SLC7A1: variants seen among roughly 807,000 people sequenced by gnomAD.
SLC7A1 encodes the protein solute carrier family 7 member 1.
A neutral mutation model predicts 53.9 loss-of-function variants in SLC7A1; 10 were observed. That is an observed-to-expected ratio of 0.19 (90% CI 0.11 to 0.31). The LOEUF (loss-of-function observed/expected upper bound fraction) is 0.31. Among genes scored for constraint, SLC7A1 ranks in the 10% least tolerant of loss-of-function variants. The pLI, the probability that SLC7A1 is intolerant of heterozygous loss-of-function variation, is 1.00. For missense variants in SLC7A1, 525 were observed against 827.2 expected, an observed-to-expected ratio of 0.63 and a Z score of 4.48; for synonymous variants, 342 against 338.7, an observed-to-expected ratio of 1.01 and a Z score of -0.11.
At chr13:29,549,667 T>C (rs1219131590) in intron 2 of SLC7A1, among the ~76,000 whole-genome samples, 1 of 152,214 alleles carries the variant, frequency 6.6e-6, no homozygotes, top group Non-Finnish European at 1.5e-5. Context: ...TTACATCTAT[T>C]GTTTGTTTGT....
intron 2 of SLC7A1, among the ~76,000 whole-genome samples, chr13:29,552,522 G>T (rs1466095725): frequency 1.3e-5 from 2 of 152,160 alleles, no homozygotes; most frequent in Non-Finnish European, 2.9e-5. Context: ...TGATGGCCAT[G>T]ACGCCCACAT....
intron 1 of SLC7A1, among the ~76,000 whole-genome samples, chr13:29,589,030 A>T (rs1871999802): frequency 6.6e-6 from 1 of 152,060 alleles, no homozygotes; most frequent in South Asian, 2.1e-4. Flanking sequence ...ACTGTGGAAA[A>T]GCTGCGGGCC....
At chr13:29,571,042 TA>T (rs1871169479) in intron 1 of SLC7A1, among the ~76,000 whole-genome samples, 1 of 152,212 alleles carries the variant, frequency 6.6e-6, no homozygotes, top group South Asian at 2.1e-4. Flanking sequence ...GACATCTCAT[TA>T]GTAGCCAACT....
In SLC7A1 at chr13:29,514,296, C is replaced by A. The variant is rs977237132; in HGVS notation, c.*184G>T. 1.7e-6 allele frequency: 1 copy of A among 594,210 alleles called. No individual in the cohort carries two copies. Among genetic ancestry groups the A allele is most frequent in the Non-Finnish European group, 3.0e-6 (1 of 330,882 alleles). 36.8% of individuals were successfully genotyped at this position (594,210 alleles called of 1,614,324 possible). A position where few individuals can be genotyped will look rare whatever the true frequency, so the allele number is the denominator to read the frequency against. ...CAGCTGTCTGGAGGTGACCAGGGCC[C>A]GGAGAACCGGCTGCAGAGCCGAGGG... is the stretch of plus-strand genomic sequence containing the variant. On this transcript the variant is annotated 3_prime_UTR_variant, in exon 13 of 13. Coordinates refer to ENST00000380752, the MANE Select transcript of SLC7A1 (RefSeq NM_003045.5).
chr13:29,552,317 T>C (rs1593561623), intron 2 of SLC7A1, among the ~76,000 whole-genome samples: 1 of 152,042 alleles, frequency 6.6e-6, no homozygotes, highest in East Asian at 1.9e-4. Context: ...TGATAAAATA[T>C]CAATGATAAT....
chr13:29,577,708 C>T (rs1406748846), intron 1 of SLC7A1, among the ~76,000 whole-genome samples: 2 of 152,318 alleles, frequency 1.3e-5, no homozygotes, highest in Admixed American at 6.5e-5. Context: ...TGTACTTGGA[C>T]GGCCAAGATC....
intron 2 of SLC7A1, among the ~76,000 whole-genome samples, chr13:29,547,162 T>A (rs1408474086): frequency 6.6e-6 from 1 of 152,168 alleles, no homozygotes; most frequent in African/African-American, 2.4e-5. Context: ...CCTACAAATA[T>A]AAAAGAGTCA....
chr13:29,526,709 C>T (rs1034679603), intron 5 of SLC7A1, among the ~76,000 whole-genome samples: 11 of 152,074 alleles, frequency 7.2e-5, no homozygotes, highest in South Asian at 2.1e-4. Context: ...GTCTTCCTCA[C>T]GCAGACAGGT....
chr13:29,574,862 T>A (rs2139173271), intron 1 of SLC7A1, among the ~76,000 whole-genome samples: 1 of 152,202 alleles, frequency 6.6e-6, no homozygotes, highest in South Asian at 2.1e-4. Flanking sequence ...GCCAGGATGG[T>A]CTCGATCTCC....
chr13:29,509,925 C>T lies in SLC7A1; in HGVS notation c.*4555G>A, dbSNP rs1055275362. ...GGCACAACTTAAGCAGGAAACTTAT[C>T]ATCTTAAATATATATTATAACTTCT... is the stretch of plus-strand genomic sequence containing the variant. On this transcript the variant is annotated 3_prime_UTR_variant, in exon 13 of 13. Coordinates refer to ENST00000380752, the MANE Select transcript of SLC7A1 (RefSeq NM_003045.5). 7.2e-5 allele frequency: 11 copies of T among 152,678 alleles called. No individual in the cohort carries two copies. The highest frequency in any genetic ancestry group is 6.2e-4 in the South Asian group (3 of 4,816). The allele number at this position is 152,678 out of a possible 1,614,324, so 9.5% of individuals were successfully genotyped here.
In SLC7A1 at chr13:29,570,857, C is replaced by CA. The variant is rs11321368; in HGVS notation, c.-114-16998dup. On this transcript the variant is annotated intron_variant, in intron 1 of 12. Transcript: ENST00000380752. ...TGGGCAACAAAGAGAGACTTTGTCT[C>CA]AAAAAAAAAAAAAAAAGATGGGCAA... 4.2e-3 allele frequency among the ~76,000 whole-genome samples: 588 copies of CA among 139,010 alleles called. 5 individuals are homozygous for CA. The highest frequency in any genetic ancestry group is 0.014 in the African/African-American group (506 of 37,098). 91.2% of individuals were successfully genotyped at this position (139,010 alleles called of 152,430 possible).
chr13:29,560,792 A>T (rs1870722268), intron 1 of SLC7A1, among the ~76,000 whole-genome samples: 1 of 152,144 alleles, frequency 6.6e-6, no homozygotes, highest in Non-Finnish European at 1.5e-5. Flanking sequence ...AAACATCATT[A>T]TGGGGCTCAT....
intron 2 of SLC7A1, among the ~76,000 whole-genome samples, chr13:29,542,977 C>T (rs1460440011): frequency 6.6e-6 from 1 of 152,162 alleles, no homozygotes; most frequent in Non-Finnish European, 1.5e-5. Flanking sequence ...CTCCAGGCAG[C>T]TAGTGACACG....
At chr13:29,529,854 CTG>C (rs1487107038) in intron 5 of SLC7A1, among the ~76,000 whole-genome samples, 1 of 152,118 alleles carries the variant, frequency 6.6e-6, no homozygotes, top group Admixed American at 6.5e-5. Context: ...AAAGATATGA[CTG>C]TTTGGCTTTT....
intron 1 of SLC7A1, among the ~76,000 whole-genome samples, chr13:29,582,885 C>T (rs1230295588): frequency 2.0e-5 from 3 of 152,110 alleles, no homozygotes; most frequent in Non-Finnish European, 4.4e-5. Flanking sequence ...CACTTCTGCC[C>T]AATCCATATG....
intron 2 of SLC7A1, among the ~76,000 whole-genome samples, chr13:29,552,421 C>T (rs1436706611): frequency 1.3e-5 from 2 of 151,978 alleles, no homozygotes; most frequent in African/African-American, 4.8e-5. Flanking sequence ...ACTCTTTTTC[C>T]CAAATGTTGG....
intron 4 of SLC7A1, among the ~76,000 whole-genome samples, chr13:29,531,701 G>A (rs919764303): frequency 1.3e-5 from 2 of 152,154 alleles, no homozygotes; most frequent in Admixed American, 6.5e-5. Flanking sequence ...GGGTGTGGTG[G>A]TGCGTGTCTG....
At chr13:29,579,224 A>G (rs1871538825) in intron 1 of SLC7A1, among the ~76,000 whole-genome samples, 1 of 152,220 alleles carries the variant, frequency 6.6e-6, no homozygotes, top group Admixed American at 6.5e-5. Context: ...GTGAGATAGT[A>G]TGGAACTGAA....
At chr13:29,568,214 CACAG>C (rs1165305723) in intron 1 of SLC7A1, among the ~76,000 whole-genome samples, 9 of 152,166 alleles carry the variant, frequency 5.9e-5, no homozygotes, top group Admixed American at 5.9e-4. Flanking sequence ...CACTCCAGAC[CACAG>C]TCTACCCCGT....
Sources: allele counts gnomAD v4.1 joint callset (sites outside exome capture counted in the v4.1 genomes callset), GRCh38; gene constraint gnomAD v4.1.1; transcripts MANE v1.5; gene names NCBI Gene and HGNC (gene_info 2026-07-23, HGNC 2026-07-21).